ADCK1: variants seen among roughly 807,000 people sequenced by gnomAD.
ADCK1 encodes the protein aarF domain-containing protein kinase 1.
A neutral mutation model predicts 52.3 loss-of-function variants in ADCK1; 41 were observed. That is an observed-to-expected ratio of 0.78 (90% CI 0.61 to 1.02). ADCK1 has a LOEUF of 1.02. Ranked by LOEUF, ADCK1 falls within the 50% of genes least tolerant of loss-of-function variation. The pLI, the probability that ADCK1 is intolerant of heterozygous loss-of-function variation, is 0.00. For synonymous variants in ADCK1, 250 were observed against 274.6 expected (o/e 0.91, Z 0.89); for missense variants, 658 against 679.5 (o/e 0.97, Z 0.35).
rs148365343 is a variant in ADCK1, at chr14:77,887,042, C to T, written c.424-49C>T. 5.8e-4 allele frequency: 868 copies of T among 1,494,586 alleles called. 3 individuals are homozygous for T. In the African/African-American group the frequency reaches 0.01, roughly 18 times the overall value. 92.6% of individuals were successfully genotyped at this position (1,494,586 alleles called of 1,614,324 possible). Reference sequence around the variant, plus strand: ...GGCCCATCTTCCTGGCTCCCTCTCACTGAACTGGGTCATCTTTTTCATTGC... The same window carrying T: ...GGCCCATCTTCCTGGCTCCCTCTCATTGAACTGGGTCATCTTTTTCATTGC... On this transcript the variant is annotated intron_variant, in intron 4 of 10. Coordinates refer to ENST00000238561, the MANE Select transcript of ADCK1 (RefSeq NM_020421.4).
chr14:77,871,831 T>C lies in ADCK1; in HGVS notation c.423+12552T>C, dbSNP rs1470031127. The stretch of plus-strand genomic sequence containing the variant: ...CTCACAACTGCTCTGTGAGAGTAAG[T>C]ACTGTTTTTATTATTCCTATTTCAC... On this transcript the variant is annotated intron_variant, in intron 4 of 10. Coordinates refer to ENST00000238561, the MANE Select transcript of ADCK1 (RefSeq NM_020421.4). Among the ~76,000 whole-genome samples, 4 of 152,220 alleles carry C rather than the reference T, an allele frequency of 2.6e-5. No homozygotes were observed. In the East Asian group the frequency reaches 5.8e-4, roughly 22 times the overall value.
At chr14:77,878,640 G>T (rs2082950717) in intron 4 of ADCK1, among the ~76,000 whole-genome samples, 1 of 152,220 alleles carries the variant, frequency 6.6e-6, no homozygotes, top group Admixed American at 6.5e-5. Flanking sequence ...TCACCCAGGG[G>T]TTACCTGCCT....
intron 4 of ADCK1, among the ~76,000 whole-genome samples, chr14:77,885,904 CT>C (rs1352336039): frequency 6.6e-6 from 1 of 152,110 alleles, no homozygotes; most frequent in East Asian, 1.9e-4. Context: ...ATATTTGGAT[CT>C]GGACATGTAG....
intron 1 of ADCK1, among the ~76,000 whole-genome samples, chr14:77,801,733 C>T (rs1208298127): frequency 3.9e-5 from 6 of 152,004 alleles, no homozygotes; most frequent in East Asian, 1.9e-4. Context: ...TGAGGTCAGG[C>T]GTTCAATGCC....
chr14:77,822,893 G>A (rs2081612384), intron 3 of ADCK1, among the ~76,000 whole-genome samples: 1 of 152,162 alleles, frequency 6.6e-6, no homozygotes, highest in South Asian at 2.1e-4. Context: ...AGGTGCTGTG[G>A]GAGAGGCCAG....
In ADCK1 at chr14:77,925,842, G is replaced by A; in HGVS notation, c.1087G>A (p.Glu363Lys). Residue 363 changes from glutamate (E) to lysine (K), a missense_variant, in exon 9 of 11, where the codon GAG becomes AAG. Glu to Lys is a moderately conservative substitution (Grantham distance 56, BLOSUM62 1). Transcript: ENST00000238561. ...CTGGACTGACATGAAGAGAGTGAAG[G>A]AGTACAGCCAGCGACTGGGAGCCGG... is the stretch of plus-strand genomic sequence containing the variant. ...LIWTDMKRVK[E>K]YSQRLGAGDL... 6.2e-7 allele frequency: 1 copy of A among 1,614,216 alleles called. No homozygotes were observed. Among genetic ancestry groups the A allele is most frequent in the East Asian group, 2.2e-5 (1 of 44,880 alleles).
intron 3 of ADCK1, among the ~76,000 whole-genome samples, chr14:77,839,919 A>AG (rs1491466362): frequency 0.025 from 186 of 7,374 alleles, 1 homozygote; most frequent in Non-Finnish European, 0.049. Flanking sequence ...ACCCTGTCTC[A>AG]AAAAAAAAAA....
At position 77,905,304 on chromosome 14, in the gene ADCK1, G is replaced by GTTTTTTTTTTTTTTTTTT. The variant is rs58057378; in HGVS notation, c.742-2496_742-2479dup. ...TCCACCTGTGACTCTTTCCTAGCTG[G>GTTTTTTTTTTTTTTTTTT]TTTTTTTTTTTTTTTTTTTTGAGAT... On this transcript the variant is annotated intron_variant, in intron 6 of 10. Transcript: ENST00000238561. Among the ~76,000 whole-genome samples, 257 of 96,250 alleles carry GTTTTTTTTTTTTTTTTTT rather than the reference G, an allele frequency of 2.7e-3. 26 individuals are homozygous for GTTTTTTTTTTTTTTTTTT. Among genetic ancestry groups the GTTTTTTTTTTTTTTTTTT allele is most frequent in the African/African-American group, 8.7e-3 (202 of 23,092 alleles). 63.1% of individuals were successfully genotyped at this position (96,250 alleles called of 152,430 possible). A position where few individuals can be genotyped will look rare whatever the true frequency, so the allele number is the denominator to read the frequency against.
Position 77,927,718 on chromosome 14 carries a change from C to T in ADCK1, c.1206+1757C>T, listed in dbSNP as rs192162444. Among the ~76,000 whole-genome samples, 26 of 152,304 alleles carry T rather than the reference C, an allele frequency of 1.7e-4. No homozygotes were observed. The East Asian group carries it at 3.9e-3, about 23-fold the overall frequency. On this transcript the variant is annotated intron_variant, in intron 9 of 10. Transcript: ENST00000238561. ...CAAAGGACAAGAAAGGCACCAGTTC[C>T]AGGAAGAACTTGAAGGACACATTCC... is the stretch of plus-strand genomic sequence containing the variant.
chr14:77,914,202 CAGT>C (rs2083863428), intron 7 of ADCK1, among the ~76,000 whole-genome samples: 1 of 152,156 alleles, frequency 6.6e-6, no homozygotes, highest in Admixed American at 6.5e-5. Flanking sequence ...AGTCACTTCT[CAGT>C]AGCTCCCTGC....
In ADCK1 at chr14:77,805,649, G is replaced by A. The variant is rs2081208488; in HGVS notation, c.-12+5479G>A. ...AACAGCAAGTGCAAAAGCTCTGGGA[G>A]GTCAGAATATGCCTGGCATGTTTGA... On this transcript the variant is annotated intron_variant, in intron 1 of 10. Transcript: ENST00000238561. Among the ~76,000 whole-genome samples the A allele has an allele frequency of 2.0e-5, 3 of 152,124 alleles. No individual in the cohort carries two copies. The South Asian group carries it at 6.2e-4, about 32-fold the overall frequency.
At chr14:77,816,962 T>C (rs185231579) in intron 1 of ADCK1, among the ~76,000 whole-genome samples, 4 of 148,420 alleles carry the variant, frequency 2.7e-5, no homozygotes, top group African/African-American at 4.9e-5. Context: ...AGAAAATGAG[T>C]AGGGCGTGGT....
intron 6 of ADCK1, among the ~76,000 whole-genome samples, chr14:77,901,362 C>T (rs2083539375): frequency 7.6e-6 from 1 of 131,792 alleles, no homozygotes. Flanking sequence ...GGAGCTGGTC[C>T]TTTTTTTTTT....
intron 3 of ADCK1, among the ~76,000 whole-genome samples, chr14:77,832,187 A>G (rs553477185): frequency 1.2e-3 from 186 of 152,286 alleles, no homozygotes; most frequent in African/African-American, 4.1e-3. Flanking sequence ...CGTATTGGCC[A>G]GGCTGGTCTC....
chr14:77,857,553 T>C (rs2082445905), intron 3 of ADCK1, among the ~76,000 whole-genome samples: 1 of 152,194 alleles, frequency 6.6e-6, no homozygotes, highest in African/African-American at 2.4e-5. Flanking sequence ...GGCTGGTTTG[T>C]TATCTGTTTT....
At chr14:77,842,082 T>C (rs1409485580) in intron 3 of ADCK1, among the ~76,000 whole-genome samples, 1 of 152,012 alleles carries the variant, frequency 6.6e-6, no homozygotes, top group Non-Finnish European at 1.5e-5. Context: ...CTGAGTGAGA[T>C]CCTGTCTCTG....
At chr14:77,852,885 A>C (rs867996248) in intron 3 of ADCK1, among the ~76,000 whole-genome samples, 1 of 24,084 alleles carries the variant, frequency 4.2e-5, no homozygotes, top group East Asian at 4.8e-4. Context: ...TTATGTGTGT[A>C]TATATATATA....
intron 4 of ADCK1, among the ~76,000 whole-genome samples, chr14:77,860,406 C>T (rs1361636242): frequency 6.6e-6 from 1 of 152,212 alleles, no homozygotes; most frequent in Non-Finnish European, 1.5e-5. Flanking sequence ...TTGATAAAGA[C>T]CAGTGGTTCC....
chr14:77,805,973 T>G (rs1436476433), intron 1 of ADCK1, among the ~76,000 whole-genome samples: 1 of 144,796 alleles, frequency 6.9e-6, no homozygotes, highest in Non-Finnish European at 1.5e-5. Context: ...CCTCCCATAA[T>G]CCTATTCTTA....
Sources: allele counts gnomAD v4.1 joint callset (sites outside exome capture counted in the v4.1 genomes callset), GRCh38; gene constraint gnomAD v4.1.1; transcripts MANE v1.5; gene names NCBI Gene and HGNC (gene_info 2026-07-23, HGNC 2026-07-21).